Variants in IQCK observed in about 807,000 individuals in gnomAD.
IQCK encodes IQ domain-containing protein K.
In IQCK, 29 loss-of-function variants were observed where a neutral mutation model predicts 28.1. The observed-to-expected ratio is 1.03, with a 90% CI of 0.77 to 1.41. IQCK has a LOEUF of 1.41. IQCK is among the 40% of genes most tolerant of loss of function. The pLI is 0.00. For synonymous variants in IQCK, 113 were observed against 115.1 expected, an observed-to-expected ratio of 0.98 and a Z score of 0.12; for missense variants, 359 against 314.7, an observed-to-expected ratio of 1.14 and a Z score of -1.07.
At chr16:19,818,366 G>T (rs928858820) in intron 7 of IQCK, among the ~76,000 whole-genome samples, 2 of 152,130 alleles carry the variant, frequency 1.3e-5, no homozygotes, top group South Asian at 2.1e-4. Context: ...GTGTGTGTGT[G>T]TATACACATA....
intron 7 of IQCK, among the ~76,000 whole-genome samples, chr16:19,810,732 G>T (rs2055893744): frequency 6.6e-6 from 1 of 151,684 alleles, no homozygotes; most frequent in Non-Finnish European, 1.5e-5. Context: ...CTTGAACCTG[G>T]GAGGCGGAAG....
chr16:19,719,455 G>T (rs1272939732), intron 1 of IQCK, among the ~76,000 whole-genome samples: 1 of 151,624 alleles, frequency 6.6e-6, no homozygotes, highest in African/African-American at 2.4e-5. Context: ...TCTGGGCGTG[G>T]TGGTGTGCGC....
intron 1 of IQCK, among the ~76,000 whole-genome samples, chr16:19,726,683 G>T (rs1977664449): frequency 6.6e-6 from 1 of 152,122 alleles, no homozygotes; most frequent in African/African-American, 2.4e-5. Context: ...GCTTACAATA[G>T]ATATAAATGA....
chr16:19,723,132 T>A (rs916651048), intron 1 of IQCK, among the ~76,000 whole-genome samples: 8 of 127,010 alleles, frequency 6.3e-5, no homozygotes, highest in Non-Finnish European at 1.1e-4. Context: ...CCAGTCTTCA[T>A]GTCTGCTGCC....
At chr16:19,732,436 C>T (rs1462803951) in intron 2 of IQCK, among the ~76,000 whole-genome samples, 6 of 152,178 alleles carry the variant, frequency 3.9e-5, no homozygotes, top group Admixed American at 1.3e-4. Flanking sequence ...GGCAGAGAGT[C>T]GGTATTTTGG....
intron 6 of IQCK, among the ~76,000 whole-genome samples, chr16:19,774,539 C>T (rs973725670): frequency 7.9e-5 from 12 of 151,558 alleles, no homozygotes; most frequent in African/African-American, 2.9e-4. Flanking sequence ...ACCACCATGC[C>T]TGGCTAATTT....
chr16:19,812,850 GA>G (rs1567566919), intron 7 of IQCK, among the ~76,000 whole-genome samples: 2 of 152,180 alleles, frequency 1.3e-5, no homozygotes, highest in African/African-American at 2.4e-5. Context: ...GGTAGGGGGG[GA>G]AATTCAGATT....
chr16:19,760,442 G>C (rs1489285868), intron 4 of IQCK, among the ~76,000 whole-genome samples: 1 of 152,122 alleles, frequency 6.6e-6, no homozygotes, highest in Non-Finnish European at 1.5e-5. Flanking sequence ...CTTGTTAATA[G>C]AGCCCCAAAT....
chr16:19,854,696 G>A (rs2056532321), intron 9 of IQCK, among the ~76,000 whole-genome samples: 1 of 152,196 alleles, frequency 6.6e-6, no homozygotes, highest in Admixed American at 6.5e-5. Flanking sequence ...ACTCTGTTAC[G>A]TTGTCAGGCT....
chr16:19,720,245 G>A (rs941277679), intron 1 of IQCK, among the ~76,000 whole-genome samples: 2 of 152,130 alleles, frequency 1.3e-5, no homozygotes, highest in African/African-American at 4.8e-5. Flanking sequence ...CATTTTGCAT[G>A]TTCTCTTTGT....
chr16:19,732,332 T>G (rs1287113859), intron 2 of IQCK, among the ~76,000 whole-genome samples: 1 of 152,174 alleles, frequency 6.6e-6, no homozygotes, highest in South Asian at 2.1e-4. Context: ...GTGGGTTTGT[T>G]TTCTGGATGG....
intron 7 of IQCK, among the ~76,000 whole-genome samples, chr16:19,806,351 C>T (rs778812229): frequency 1.3e-5 from 2 of 151,536 alleles, no homozygotes; most frequent in South Asian, 4.2e-4. Context: ...GGTGACAGAG[C>T]GAGACTCTCT....
At chr16:19,735,426 A>C (rs1304565939) in exon 4 of IQCK, 1 of 1,613,404 alleles carries the variant, frequency 6.2e-7, no homozygotes, top group Non-Finnish European at 8.5e-7. Flanking sequence ...TGCTTCACCA[A>C]GCGAAGAAAG....
chr16:19,733,497 C>A (rs1420682031), intron 2 of IQCK, among the ~76,000 whole-genome samples: 1 of 152,010 alleles, frequency 6.6e-6, no homozygotes, highest in African/African-American at 2.4e-5. Context: ...CACAGCTGGT[C>A]CTTCTTTTCT....
At chr16:19,727,637 A>G (rs1241158361) in intron 1 of IQCK, among the ~76,000 whole-genome samples, 1 of 148,292 alleles carries the variant, frequency 6.7e-6, no homozygotes, top group Non-Finnish European at 1.5e-5. Context: ...ATATCTAACA[A>G]TGGTTGTAGG....
At chr16:19,769,836 A>G (rs1412751112) in intron 6 of IQCK, among the ~76,000 whole-genome samples, 6 of 152,062 alleles carry the variant, frequency 3.9e-5, no homozygotes, top group Non-Finnish European at 7.4e-5. Flanking sequence ...GCCGTAAGGT[A>G]TTGAGTTAGG....
chr16:19,767,990 A>G (rs1371438223), intron 6 of IQCK, among the ~76,000 whole-genome samples: 2 of 151,224 alleles, frequency 1.3e-5, no homozygotes, highest in Non-Finnish European at 3.0e-5. Flanking sequence ...ATCTTCAGGT[A>G]TAGCCTGAAC....
chr16:19,835,055 G>A lies in IQCK; in HGVS notation c.802+7918G>A, dbSNP rs144558462. Reference sequence around the variant, plus strand: ...CGAGGCAGGCGGATCACTTGAGGCCGGGAGTTTGAGATCAGCCTGGCCAAC... The same window carrying A: ...CGAGGCAGGCGGATCACTTGAGGCCAGGAGTTTGAGATCAGCCTGGCCAAC... On this transcript the variant is annotated intron_variant, in intron 9 of 9. Transcript: ENST00000320394. Among the ~76,000 whole-genome samples the A allele has an allele frequency of 4.6e-5, 7 of 152,092 alleles. No homozygotes were observed. In the East Asian group the frequency reaches 1.4e-3, roughly 29 times the overall value.
At chr16:19,724,281 G>A (rs1977586395) in intron 1 of IQCK, among the ~76,000 whole-genome samples, 1 of 151,988 alleles carries the variant, frequency 6.6e-6, no homozygotes, top group South Asian at 2.1e-4. Context: ...CTCTCCTCTA[G>A]GCTGTGGTTG....
Sources: allele counts gnomAD v4.1 joint callset (sites outside exome capture counted in the v4.1 genomes callset), GRCh38; gene constraint gnomAD v4.1.1; transcripts MANE v1.5; gene names NCBI Gene and HGNC (gene_info 2026-07-23, HGNC 2026-07-21).